CNKSR2: variants seen among roughly 807,000 people sequenced by gnomAD.
CNKSR2 encodes CNK homolog protein 2.
Under a neutral mutation model 84.4 loss-of-function variants are expected in CNKSR2, and 14 were observed. That is an observed-to-expected ratio of 0.17 (90% CI 0.11 to 0.26). The LOEUF (loss-of-function observed/expected upper bound fraction) is 0.26, where lower values mean the gene tolerates loss of function less well. Ranked by LOEUF, CNKSR2 falls within the 10% of genes least tolerant of loss-of-function variation. CNKSR2 has a pLI of 1.00. For missense variants in CNKSR2, 485 were observed against 771.2 expected, an observed-to-expected ratio of 0.63 and a Z score of 4.40; for synonymous variants, 275 against 277.9, an observed-to-expected ratio of 0.99 and a Z score of 0.10.
rs761933278 is a variant in CNKSR2, at chrX:21,432,827, G to A, written c.431+13G>A. On this transcript the variant is annotated intron_variant, in intron 3 of 21. Coordinates refer to ENST00000379510, the MANE Select transcript of CNKSR2 (RefSeq NM_014927.5). ...CCTGGTTGGACAGGTAAAGTCTTCC[G>A]CATGTTTCATAAGTATCCTCTCCTC... is the stretch of plus-strand genomic sequence containing the variant. 1.7e-5 allele frequency: 21 copies of A among 1,201,898 alleles called. No homozygotes were observed. The highest frequency in any genetic ancestry group is 3.0e-5 in the East Asian group (1 of 33,705).
intron 6 of CNKSR2, chrX:21,495,825 C>T (rs1270838451): frequency 3.1e-5 from 1 of 31,846 alleles, no homozygotes; most frequent in Non-Finnish European, 5.9e-5. Context: ...AAAAAAAACA[C>T]GAAAAATTTA....
rs2092719696 is a variant in CNKSR2 at position 21,651,023 on chromosome X, G to C, written c.2890-1283G>C. ...CAGGCAGGCATTTTGAAGCAGGTTA[G>C]ATTCATGGATCTTAAAGACCTGTTT... is the stretch of plus-strand genomic sequence containing the variant. On this transcript the variant is annotated intron_variant, in intron 21 of 21. Transcript: ENST00000379510. Among the ~76,000 whole-genome samples, 4 of 111,601 alleles carry C rather than the reference G, an allele frequency of 3.6e-5. 1 individual carries two copies. The Admixed American group carries it at 3.8e-4, about 11-fold the overall frequency.
At chrX:21,557,422 G>T (rs1470130014) in intron 11 of CNKSR2, among the ~76,000 whole-genome samples, 3 of 110,151 alleles carry the variant, frequency 2.7e-5, no homozygotes, top group African/African-American at 6.6e-5. Flanking sequence ...CTTTTTTTCT[G>T]TGTGCCTCTA....
chrX:21,437,304 C>G (rs1407171574), intron 3 of CNKSR2, among the ~76,000 whole-genome samples: 6 of 110,988 alleles, frequency 5.4e-5, no homozygotes, highest in African/African-American at 2.0e-4. Flanking sequence ...CAGACTCTGA[C>G]CTTTTCAAAC....
At chrX:21,431,745 AC>A (rs2090636306) in intron 2 of CNKSR2, among the ~76,000 whole-genome samples, 1 of 112,062 alleles carries the variant, frequency 8.9e-6, no homozygotes, top group African/African-American at 3.2e-5. Flanking sequence ...AAGGGATCCT[AC>A]AATCTTTTTC....
At chrX:21,518,949 G>A (rs1294029587) in intron 9 of CNKSR2, among the ~76,000 whole-genome samples, 6 of 111,699 alleles carry the variant, frequency 5.4e-5, no homozygotes, top group East Asian at 2.8e-4. Context: ...TCAACCATCC[G>A]TAGATAAATA....
intron 1 of CNKSR2, among the ~76,000 whole-genome samples, chrX:21,375,421 C>T (rs1409883186): frequency 3.6e-5 from 4 of 112,171 alleles, no homozygotes; most frequent in African/African-American, 1.3e-4. Context: ...TTCCCCAGCG[C>T]CAACTCTCCC....
In CNKSR2 at chrX:21,609,750, T is replaced by C. The variant is rs2092540328; in HGVS notation, c.2692+133T>C. 3 of 872,545 alleles carry C rather than the reference T, an allele frequency of 3.4e-6. No homozygotes were observed. In the Admixed American group the frequency reaches 1.2e-4, roughly 35 times the overall value. 71.9% of individuals were successfully genotyped at this position (872,545 alleles called of 1,213,427 possible). Reference sequence around the variant, plus strand: ...TAGTATTGCTATATAGTAAGTTAGGTCTCCCTTGGTGACCTACTTTCAGAA... The same window carrying C: ...TAGTATTGCTATATAGTAAGTTAGGCCTCCCTTGGTGACCTACTTTCAGAA... On this transcript the variant is annotated intron_variant, in intron 20 of 21. Transcript: ENST00000379510.
At chrX:21,555,072 G>T in intron 11 of CNKSR2, among the ~76,000 whole-genome samples, 1 of 107,106 alleles carries the variant, frequency 9.3e-6, no homozygotes, top group Non-Finnish European at 1.9e-5. Context: ...GTCTCATTGT[G>T]GTTTTGATTT....
intron 8 of CNKSR2, chrX:21,504,354 T>A (rs764843038): frequency 8.9e-6 from 1 of 111,876 alleles, no homozygotes; most frequent in Admixed American, 9.5e-5. Context: ...ATAACTAATA[T>A]TAATTCTCTA....
At chrX:21,581,932 T>TC (rs1219846850) in intron 13 of CNKSR2, among the ~76,000 whole-genome samples, 2 of 111,747 alleles carry the variant, frequency 1.8e-5, no homozygotes, top group Non-Finnish European at 3.8e-5. Context: ...ACACAATGAA[T>TC]CAGCTCAAGA....
intron 20 of CNKSR2, among the ~76,000 whole-genome samples, chrX:21,639,354 C>A (rs1206557707): frequency 9.0e-6 from 1 of 111,486 alleles, no homozygotes; most frequent in Admixed American, 9.6e-5. Context: ...TGCTTCTGAC[C>A]CACCTGGCTC....
At chrX:21,420,807 G>A (rs934034624) in intron 1 of CNKSR2, among the ~76,000 whole-genome samples, 2 of 110,243 alleles carry the variant, frequency 1.8e-5, no homozygotes, top group African/African-American at 6.6e-5. Context: ...GAAGGAAGGA[G>A]TCTCTTTTGG....
At chrX:21,539,320 C>T (rs902582925) in intron 11 of CNKSR2, among the ~76,000 whole-genome samples, 1 of 111,330 alleles carries the variant, frequency 9.0e-6, no homozygotes, top group Non-Finnish European at 1.9e-5. Context: ...TTATTTCATT[C>T]ATTGAATTCT....
chrX:21,410,611 A>C (rs1162650569), intron 1 of CNKSR2, among the ~76,000 whole-genome samples: 1 of 111,872 alleles, frequency 8.9e-6, no homozygotes, highest in Non-Finnish European at 1.9e-5. Flanking sequence ...TTATCCTAAC[A>C]TTAAATCCTT....
intron 1 of CNKSR2, among the ~76,000 whole-genome samples, chrX:21,408,035 A>G (rs1313975073): frequency 9.0e-6 from 1 of 111,693 alleles, no homozygotes; most frequent in Non-Finnish European, 1.9e-5. Flanking sequence ...GTTTAAAGTT[A>G]TCATGAGTAG....
At chrX:21,559,012 C>T (rs2092164018) in intron 11 of CNKSR2, among the ~76,000 whole-genome samples, 1 of 110,593 alleles carries the variant, frequency 9.0e-6, no homozygotes, top group South Asian at 3.8e-4. Flanking sequence ...TTTGAAAATA[C>T]AGCCTTCATA....
At chrX:21,393,594 G>C (rs2090080770) in intron 1 of CNKSR2, among the ~76,000 whole-genome samples, 1 of 112,154 alleles carries the variant, frequency 8.9e-6, no homozygotes, top group Admixed American at 9.5e-5. Context: ...AGGGTGGCTA[G>C]CTATTGCAGT....
At chrX:21,650,530 CAA>C (rs753779426) in intron 21 of CNKSR2, among the ~76,000 whole-genome samples, 16 of 108,421 alleles carry the variant, frequency 1.5e-4, no homozygotes, top group Non-Finnish European at 2.3e-4. Flanking sequence ...ACATATGTAA[CAA>C]ACGTGCACAT....
Sources: allele counts gnomAD v4.1 joint callset (sites outside exome capture counted in the v4.1 genomes callset), GRCh38; gene constraint gnomAD v4.1.1; transcripts MANE v1.5; gene names NCBI Gene and HGNC (gene_info 2026-07-23, HGNC 2026-07-21).